The following ASZ1 variants were observed in gnomAD, a reference collection of about 807,000 sequenced individuals.
ASZ1 encodes the protein ankyrin repeat, SAM and basic leucine zipper domain containing 1.
A neutral mutation model predicts 61.8 loss-of-function variants in ASZ1; 67 were observed. The ratio of observed to expected loss-of-function variants is 1.08; its 90% CI spans 0.89 to 1.33. ASZ1 has a LOEUF of 1.33. ASZ1 is among the 40% of genes most tolerant of loss of function. The pLI is 0.00. For missense variants in ASZ1, 577 were observed against 554.5 expected (o/e 1.04, Z -0.41); for synonymous variants, 193 against 192.7 (o/e 1.00, Z -0.01).
At chr7:117,395,964 C>A (rs958838449) in intron 4 of ASZ1, among the ~76,000 whole-genome samples, 1 of 152,088 alleles carries the variant, frequency 6.6e-6, no homozygotes, top group African/African-American at 2.4e-5. Flanking sequence ...AACAAATGAG[C>A]ACAGCTGTGT....
intron 4 of ASZ1, among the ~76,000 whole-genome samples, chr7:117,397,028 T>C (rs1289571657): frequency 6.6e-6 from 1 of 151,234 alleles, no homozygotes; most frequent in Non-Finnish European, 1.5e-5. Flanking sequence ...ATAATTAAAT[T>C]AATTAAAAAT....
intron 4 of ASZ1, among the ~76,000 whole-genome samples, chr7:117,390,468 T>G (rs1301902521): frequency 1.3e-5 from 2 of 152,146 alleles, no homozygotes; most frequent in Non-Finnish European, 2.9e-5. Context: ...CATGCCCAGC[T>G]GCTATTGTGA....
chr7:117,388,204 G>A (rs918986919), intron 4 of ASZ1, among the ~76,000 whole-genome samples: 3 of 151,992 alleles, frequency 2.0e-5, no homozygotes, highest in African/African-American at 2.4e-5. Context: ...AGGCCAGATG[G>A]CTCCACTGGT....
At chr7:117,396,622 T>G (rs1211465203) in intron 4 of ASZ1, among the ~76,000 whole-genome samples, 1 of 152,224 alleles carries the variant, frequency 6.6e-6, no homozygotes, top group Admixed American at 6.5e-5. Context: ...ATCAATCTGA[T>G]CACAGTATAT....
intron 10 of ASZ1, among the ~76,000 whole-genome samples, chr7:117,376,533 C>T (rs1284640469): frequency 1.3e-5 from 2 of 151,992 alleles, no homozygotes; most frequent in Non-Finnish European, 2.9e-5. Flanking sequence ...AACTTAGACA[C>T]AAAATTCTTA....
At position 117,368,713 on chromosome 7, in the gene ASZ1, C is replaced by CA; in HGVS notation, c.1059dup (p.Asp354Ter). 4 of 1,612,390 alleles carry CA rather than the reference C, an allele frequency of 2.5e-6. No individual in the cohort carries two copies. The highest frequency in any genetic ancestry group is 3.4e-6 in the Non-Finnish European group (4 of 1,179,274). On this transcript the variant is annotated frameshift_variant, in exon 11 of 13. Transcript: ENST00000284629. LOFTEE classifies it high-confidence loss of function. ...TTGAGAAGAAAGTTGAGGAACTCAT[C>CA]ACCACTAAAGAAAGGAAACAAACAA...
chr7:117,403,485 T>C (rs1035954770), intron 4 of ASZ1, among the ~76,000 whole-genome samples: 4 of 152,160 alleles, frequency 2.6e-5, no homozygotes, highest in African/African-American at 7.2e-5. Flanking sequence ...ACCGTGATTA[T>C]GTTTTGTCAT....
rs1797116626 is a variant in ASZ1 at position 117,422,424 on chromosome 7, TATGCTTA to T, written c.206-72_206-66del. On this transcript the variant is annotated intron_variant, in intron 2 of 12. Transcript: ENST00000284629. ...CCAAAGAAAAAAATCAGTCACCTTA[TATGCTTA>T]AAGTACTGTGTAAAGTGACGTACAT... 12 of 1,554,928 alleles carry T rather than the reference TATGCTTA, an allele frequency of 7.7e-6. No individual in the cohort carries two copies. In the South Asian group the frequency reaches 1.3e-4, roughly 17 times the overall value.
At chr7:117,376,439 A>G (rs1478811975) in intron 10 of ASZ1, among the ~76,000 whole-genome samples, 1 of 152,186 alleles carries the variant, frequency 6.6e-6, no homozygotes, top group Non-Finnish European at 1.5e-5. Flanking sequence ...ATACATCCCA[A>G]TTCATTTTGT....
In ASZ1 at chr7:117,384,841, C is replaced by T. The variant is rs765823353; in HGVS notation, c.572G>A (p.Arg191His). ...NGYTALTWAARQGHKNIVLKL... is the reference protein window; with the variant it reads ...NGYTALTWAAHQGHKNIVLKL... ...CAAAACTATATTTTTATGACCCTGA[C>T]GTGCTGCCCACGTTAAAGCCTGTAA... The change falls in exon 6 of 13, where the codon CGT becomes CAT. Residue 191 changes from arginine to histidine, a missense_variant. Arg to His is a conservative substitution (Grantham distance 29). Coordinates refer to ENST00000284629, the MANE Select transcript of ASZ1 (RefSeq NM_130768.3). The T allele has an allele frequency of 1.9e-5, 31 of 1,601,900 alleles. No individual in the cohort carries two copies. Among genetic ancestry groups the T allele is most frequent in the South Asian group, 1.4e-4 (12 of 88,584 alleles).
chr7:117,382,794 A>G (rs1014734160), intron 7 of ASZ1, among the ~76,000 whole-genome samples, 192 bp downstream of exon 7: 2 of 152,110 alleles, frequency 1.3e-5, no homozygotes, highest in African/African-American at 4.8e-5. Flanking sequence ...AGTTATTATC[A>G]TTAGTGTTAG....
chr7:117,372,785 C>A (rs1796071139), intron 10 of ASZ1, among the ~76,000 whole-genome samples: 1 of 152,150 alleles, frequency 6.6e-6, no homozygotes, highest in African/African-American at 2.4e-5. Context: ...TACACATTTT[C>A]TTCCAGTGTT....
intron 3 of ASZ1, among the ~76,000 whole-genome samples, chr7:117,421,408 T>A (rs1797097824): frequency 6.6e-6 from 1 of 152,146 alleles, no homozygotes; most frequent in Admixed American, 6.5e-5. Context: ...AGAGACAAAG[T>A]CTCACTATGT....
chr7:117,368,675 CTGTT>C lies in ASZ1; in HGVS notation c.1094_1097del (p.Lys365SerfsTer5), dbSNP rs1795990713. 6.2e-7 allele frequency: 1 copy of C among 1,612,766 alleles called. No homozygotes were observed. The highest frequency in any genetic ancestry group is 8.5e-7 in the Non-Finnish European group (1 of 1,179,436). On this transcript the variant is annotated frameshift_variant, in exon 11 of 13. Coordinates refer to ENST00000284629, the MANE Select transcript of ASZ1 (RefSeq NM_130768.3). LOFTEE classifies it high-confidence loss of function. ...GTACAGCTGTTATTAAATGGCCACA[CTGTT>C]TATTTAATTTGAGAAGAAAGTTGAG...
Position 117,427,238 on chromosome 7 carries a change from A to G in ASZ1, c.105+118T>C, listed in dbSNP as rs1029026067. ...CTTAAGTACAAACTCCCGTATTTCC[A>G]CTGGGTAAAAGGGAAATACACGTGA... is the stretch of plus-strand genomic sequence containing the variant. On this transcript the variant is annotated intron_variant, in intron 1 of 12. Transcript: ENST00000284629. 1.2e-5 allele frequency: 14 copies of G among 1,187,176 alleles called. No individual in the cohort carries two copies. The African/African-American group carries it at 2.1e-4, about 18-fold the overall frequency. 73.5% of individuals were successfully genotyped at this position (1,187,176 alleles called of 1,614,324 possible).
Position 117,383,074 on chromosome 7 carries a change from C to G in ASZ1, c.724G>C (p.Glu242Gln). ...TTAGTTAGCTGTTGAAGTTTTCCTT[C>G]CAATGGATTTAAAGTAAAAGAAAGT... is the stretch of plus-strand genomic sequence containing the variant. ...NLLSFTLNPL[E>Q]GKLQQLTKED... The change falls in exon 7 of 13, where the codon GAA becomes CAA. Residue 242 changes from glutamate (E) to glutamine (Q), a missense_variant. Coordinates refer to ENST00000284629, the MANE Select transcript of ASZ1 (RefSeq NM_130768.3). The G allele has an allele frequency of 6.3e-7, 1 of 1,578,042 alleles. No individual in the cohort carries two copies. Among genetic ancestry groups the G allele is most frequent in the South Asian group, 1.2e-5 (1 of 84,626 alleles).
chr7:117,375,664 G>A (rs190691414), intron 10 of ASZ1, among the ~76,000 whole-genome samples: 1 of 151,994 alleles, frequency 6.6e-6, no homozygotes, highest in East Asian at 1.9e-4. Flanking sequence ...ACTGGAAATC[G>A]ATAACAGAAA....
chr7:117,389,174 CT>C (rs765121578), intron 4 of ASZ1, among the ~76,000 whole-genome samples: 244 of 143,526 alleles, frequency 1.7e-3, no homozygotes, highest in Admixed American at 2.4e-3. Context: ...ATCCAGAAGT[CT>C]TTTTTTTTTT....
At chr7:117,397,305 G>C (rs1322920990) in intron 4 of ASZ1, among the ~76,000 whole-genome samples, 1 of 152,086 alleles carries the variant, frequency 6.6e-6, no homozygotes, top group East Asian at 1.9e-4. Context: ...AAAGATTCTT[G>C]TTAATCAGTA....
Sources: gnomAD v4.1 joint callset for allele counts (sites outside exome capture counted in the v4.1 genomes callset) on GRCh38, gnomAD v4.1.1 for gene constraint, MANE v1.5 for transcripts, NCBI Gene and HGNC (gene_info 2026-07-23, HGNC 2026-07-21) for gene names.